Variants in SHANK2 observed in about 807,000 individuals in gnomAD.
SHANK2 encodes the protein SH3 and multiple ankyrin repeat domains protein 2.
In SHANK2, 43 loss-of-function variants were observed where a neutral mutation model predicts 133.7. The ratio of observed to expected loss-of-function variants is 0.32; its 90% CI spans 0.25 to 0.41. The LOEUF is 0.41. Among genes scored for constraint, SHANK2 ranks in the 10% least tolerant of loss-of-function variants. SHANK2 has a pLI of 1.00. For missense variants in SHANK2, 1,994 were observed against 2,235.8 expected (o/e 0.89, Z 2.18); for synonymous variants, 1,017 against 952.8 (o/e 1.07, Z -1.24).
chr11:70,473,158 C>A lies in SHANK2; in HGVS notation c.5261G>T (p.Gly1754Val). Residue 1754 changes from glycine to valine, a missense_variant, in exon 26 of 26, where the codon GGC becomes GTC. This residue lies in a region of SHANK2 where 797 missense variants were observed against 907.4 expected (regional missense o/e 0.88). Coordinates refer to ENST00000601538, the MANE Select transcript of SHANK2 (RefSeq NM_012309.5). This position sits in a 1 kb window ranked among gnomAD's most constrained non-coding sequence, Gnocchi z 5.9. ...CCTACTGCGTCCCGCTGGGTTCAAG[C>A]CAAATAGATCCCCAGAAGGGGGCTG... ...PSQPPSGDLF[G>V]LNPAGRSRSP... 1 of 1,613,978 alleles carries A rather than the reference C, an allele frequency of 6.2e-7. No individual in the cohort carries two copies. Among genetic ancestry groups the A allele is most frequent in the Non-Finnish European group, 8.5e-7 (1 of 1,179,838 alleles).
At chr11:70,695,750 AT>A (rs1945378968) in intron 15 of SHANK2, among the ~76,000 whole-genome samples, 1 of 152,200 alleles carries the variant, frequency 6.6e-6, no homozygotes. Context: ...AGGCTCAGCT[AT>A]GAACAGGGCT....
At chr11:70,669,545 C>G (rs1193163952) in intron 15 of SHANK2, 3 of 152,588 alleles carry the variant, frequency 2.0e-5, no homozygotes, top group Non-Finnish European at 4.4e-5. Context: ...CCAGAGCCAC[C>G]GGGCAGGAGG....
intron 3 of SHANK2, 109 bp downstream of exon 3, chr11:71,147,011 C>T: frequency 4.4e-6 from 4 of 918,340 alleles, no homozygotes; most frequent in Non-Finnish European, 6.4e-6. Flanking sequence ...ACGGTGTGCC[C>T]AGAGCAGTCA....
chr11:70,905,845 CTT>C (rs1243065565), intron 10 of SHANK2, among the ~76,000 whole-genome samples: 2 of 145,930 alleles, frequency 1.4e-5, no homozygotes, highest in Admixed American at 6.9e-5. Flanking sequence ...GAGTTTCGCT[CTT>C]GTCGCCCAGG....
chr11:70,920,720 G>T (rs1950337884), intron 10 of SHANK2, among the ~76,000 whole-genome samples: 1 of 152,220 alleles, frequency 6.6e-6, no homozygotes, highest in Non-Finnish European at 1.5e-5. Flanking sequence ...CTACAGCAGA[G>T]TATTGCTGGT....
intron 14 of SHANK2, among the ~76,000 whole-genome samples, chr11:70,713,000 G>A (rs554209943): frequency 5.5e-4 from 84 of 152,360 alleles, no homozygotes; most frequent in Admixed American, 2.2e-3. Context: ...GAACAGCCTC[G>A]TGTCACACGC....
At chr11:70,849,848 C>T (rs1364635247) in intron 11 of SHANK2, among the ~76,000 whole-genome samples, 4 of 152,132 alleles carry the variant, frequency 2.6e-5, no homozygotes, top group African/African-American at 7.2e-5. Flanking sequence ...TGGCAAAATA[C>T]ATATAAAATT....
At chr11:70,910,955 T>G (rs1024486143) in intron 10 of SHANK2, 1 of 456,758 alleles carries the variant, frequency 2.2e-6, no homozygotes, top group Non-Finnish European at 4.4e-6. Context: ...GTGCACATAA[T>G]TCGATTTTTG....
chr11:70,655,955 T>C (rs2061401022), intron 17 of SHANK2, among the ~76,000 whole-genome samples: 1 of 152,128 alleles, frequency 6.6e-6, no homozygotes, highest in Non-Finnish European at 1.5e-5. Flanking sequence ...TCTATAACCC[T>C]CAGGTGACTG....
chr11:70,636,575 ATGAATG>A (rs1329714001), intron 17 of SHANK2, among the ~76,000 whole-genome samples: 6 of 43,798 alleles, frequency 1.4e-4, no homozygotes, highest in African/African-American at 3.8e-4. Context: ...ATGTGTGTGT[ATGAATG>A]TGAGTCTGTG....
At chr11:70,874,387 C>T (rs969900335) in intron 11 of SHANK2, among the ~76,000 whole-genome samples, 1 of 152,136 alleles carries the variant, frequency 6.6e-6, no homozygotes, top group Non-Finnish European at 1.5e-5. Flanking sequence ...CTGTTACACA[C>T]ACTGGAGTGC....
chr11:71,166,472 T>C (rs1252555316), intron 2 of SHANK2, among the ~76,000 whole-genome samples: 8 of 146,960 alleles, frequency 5.4e-5, no homozygotes, highest in Non-Finnish European at 9.0e-5. Flanking sequence ...AATCCACACG[T>C]CTTTTTTTTC....
At chr11:70,669,838 T>C (rs570070932) in intron 15 of SHANK2, among the ~76,000 whole-genome samples, 5 of 152,308 alleles carry the variant, frequency 3.3e-5, no homozygotes, top group South Asian at 2.1e-4. Context: ...GCAAGAATCC[T>C]TGGGTGTGCT....
chr11:70,565,933 C>T (rs371155704), intron 17 of SHANK2, among the ~76,000 whole-genome samples: 4 of 152,010 alleles, frequency 2.6e-5, no homozygotes, highest in African/African-American at 7.2e-5. Flanking sequence ...TTTCACGCTG[C>T]CGATAAAGAT....
intron 10 of SHANK2, chr11:70,910,998 C>T (rs1212632547): frequency 2.2e-6 from 1 of 456,984 alleles, no homozygotes; most frequent in Non-Finnish European, 4.4e-6. Flanking sequence ...TCTCTAAACA[C>T]CTCAGCATTT....
intron 17 of SHANK2, among the ~76,000 whole-genome samples, chr11:70,583,864 T>C (rs1426776364): frequency 6.6e-6 from 1 of 152,172 alleles, no homozygotes; most frequent in African/African-American, 2.4e-5. Context: ...AAAGCCAGCA[T>C]GGCCCAGTGG....
At position 70,830,460 on chromosome 11, in the gene SHANK2, C is replaced by G. The variant is rs1555058113; in HGVS notation, c.1175-9778G>C. On this transcript the variant is annotated intron_variant, in intron 11 of 25. Coordinates refer to ENST00000601538, the MANE Select transcript of SHANK2 (RefSeq NM_012309.5). The surrounding 1 kb of genome is among the most constrained non-coding windows in gnomAD (Gnocchi z 4.4). ...TCCTGCCATCTGCACACAGGCCCGG[C>G]CCTTCACCCTCCAAGCCACGGAGAC... Among the ~76,000 whole-genome samples the G allele has an allele frequency of 6.6e-6, 1 of 152,178 alleles. No individual in the cohort carries two copies. Among genetic ancestry groups the G allele is most frequent in the African/African-American group, 2.4e-5 (1 of 41,434 alleles).
chr11:70,761,717 T>C (rs1947001110), intron 14 of SHANK2, among the ~76,000 whole-genome samples: 1 of 152,200 alleles, frequency 6.6e-6, no homozygotes, highest in African/African-American at 2.4e-5. Flanking sequence ...GAGCCTGCAT[T>C]CCTAACAAGC....
intron 11 of SHANK2, among the ~76,000 whole-genome samples, chr11:70,894,785 G>A (rs953622729): frequency 6.6e-6 from 1 of 152,152 alleles, no homozygotes; most frequent in Non-Finnish European, 1.5e-5. Flanking sequence ...AACCCCTGTC[G>A]TCATGGGCGG....
Sources: gnomAD v4.1 joint callset for allele counts (sites outside exome capture counted in the v4.1 genomes callset) on GRCh38, gnomAD v4.1.1 for gene constraint, gnomAD v4.1.1 regional missense constraint, Gnocchi (gnomAD v3.1) non-coding constraint, MANE v1.5 for transcripts, NCBI Gene and HGNC (gene_info 2026-07-23, HGNC 2026-07-21) for gene names.